The following DLC1 variants were observed in gnomAD, a reference collection of about 807,000 sequenced individuals.
DLC1 encodes rho GTPase-activating protein 7.
DLC1 carries 54 observed loss-of-function variants against 140.3 expected under a neutral mutation model. The observed-to-expected ratio is 0.38, with a 90% confidence interval of 0.31 to 0.48. The LOEUF is 0.48. Ranked by LOEUF, DLC1 falls within the 20% of genes least tolerant of loss-of-function variation. The pLI is 0.96. For missense variants in DLC1, 2,536 were observed against 1,907.0 expected, an observed-to-expected ratio of 1.33 and a Z score of -6.14; for synonymous variants, 986 against 728.1, an observed-to-expected ratio of 1.35 and a Z score of -5.70.
intron 1 of DLC1, among the ~76,000 whole-genome samples, chr8:13,543,191 T>C (rs1321571191): frequency 6.6e-6 from 1 of 152,184 alleles, no homozygotes. Context: ...AAATATTCAG[T>C]TTAGTCAAAT....
chr8:13,381,928 G>T (rs1441515762), intron 4 of DLC1, among the ~76,000 whole-genome samples: 1 of 152,070 alleles, frequency 6.6e-6, no homozygotes, highest in African/African-American at 2.4e-5. Flanking sequence ...GGAGGCAGGT[G>T]GATGCTAGAC....
At chr8:13,357,773 A>C (rs1180350581) in intron 4 of DLC1, among the ~76,000 whole-genome samples, 1 of 152,222 alleles carries the variant, frequency 6.6e-6, no homozygotes, top group Non-Finnish European at 1.5e-5. Context: ...TCTTATGAAA[A>C]TCCAGATGGA....
intron 5 of DLC1, among the ~76,000 whole-genome samples, chr8:13,166,865 G>T (rs1825141816): frequency 6.6e-6 from 1 of 152,158 alleles, no homozygotes; most frequent in African/African-American, 2.4e-5. Flanking sequence ...TGAGTTTAGA[G>T]GACGCTGGGA....
intron 5 of DLC1, among the ~76,000 whole-genome samples, chr8:13,289,094 C>T (rs934237999): frequency 6.6e-5 from 10 of 152,188 alleles, no homozygotes; most frequent in African/African-American, 2.4e-4. Context: ...TTTCCTAAGG[C>T]ATTCGGTGCT....
chr8:13,312,366 A>AAAAAAAAAAAT (rs1209262998), intron 4 of DLC1, among the ~76,000 whole-genome samples: 1 of 123,562 alleles, frequency 8.1e-6, no homozygotes, highest in African/African-American at 3.1e-5. Context: ...GTCTCAAAAA[A>AAAAAAAAAAAT]AAAAAAAAAA....
rs978888910 is a variant in DLC1 at position 13,084,298 on chromosome 8, T to G, written c.*1513A>C. 1.3e-5 allele frequency: 2 copies of G among 152,596 alleles called. No individual in the cohort carries two copies. The highest frequency in any genetic ancestry group is 2.4e-5 in the African/African-American group (1 of 41,446). 9.5% of individuals were successfully genotyped at this position (152,596 alleles called of 1,614,324 possible). On this transcript the variant is annotated 3_prime_UTR_variant, in exon 18 of 18. Transcript: ENST00000276297. Reference sequence around the variant, plus strand: ...ATACTCAAATTTTAAAACTCTAATCTGATGCCCTGCCCCAAAATTCTTCAA... The same window carrying G: ...ATACTCAAATTTTAAAACTCTAATCGGATGCCCTGCCCCAAAATTCTTCAA...
At chr8:13,472,950 A>T (rs1262146963) in intron 2 of DLC1, among the ~76,000 whole-genome samples, 2 of 152,202 alleles carry the variant, frequency 1.3e-5, no homozygotes, top group Non-Finnish European at 2.9e-5. Flanking sequence ...GAGTACCTGA[A>T]TACTAGTCAT....
intron 1 of DLC1, among the ~76,000 whole-genome samples, chr8:13,507,774 T>C (rs1802165644): frequency 1.3e-5 from 2 of 152,142 alleles, no homozygotes; most frequent in South Asian, 4.1e-4. Context: ...CTGGAAAGCA[T>C]CAAAAACTTT....
intron 4 of DLC1, among the ~76,000 whole-genome samples, chr8:13,329,136 G>A (rs560839442): frequency 1.3e-4 from 20 of 152,242 alleles, no homozygotes; most frequent in South Asian, 4.1e-4. Context: ...ATGAAGAATC[G>A]AGTCCTGCCT....
chr8:13,511,266 C>G (rs1205750636), intron 1 of DLC1, among the ~76,000 whole-genome samples: 1 of 152,074 alleles, frequency 6.6e-6, no homozygotes, highest in East Asian at 1.9e-4. Context: ...TCTTTTCCAC[C>G]CATTTATCTC....
At chr8:13,552,695 TACAGG>T (rs1262183811) in intron 1 of DLC1, among the ~76,000 whole-genome samples, 1 of 151,738 alleles carries the variant, frequency 6.6e-6, no homozygotes, top group Non-Finnish European at 1.5e-5. Flanking sequence ...ACAAAATTAC[TACAGG>T]AAAATGTTTT....
At chr8:13,363,047 G>A (rs1417730896) in intron 4 of DLC1, among the ~76,000 whole-genome samples, 1 of 152,054 alleles carries the variant, frequency 6.6e-6, no homozygotes, top group Admixed American at 6.6e-5. Context: ...GCTAGATATG[G>A]GCATACAATA....
At chr8:13,164,190 G>A (rs1824931361) in intron 5 of DLC1, among the ~76,000 whole-genome samples, 2 of 152,112 alleles carry the variant, frequency 1.3e-5, no homozygotes, top group Non-Finnish European at 2.9e-5. Flanking sequence ...CCAGCTACTT[G>A]GGAGGCAGAG....
chr8:13,087,506 C>T (rs185964631), intron 16 of DLC1, among the ~76,000 whole-genome samples: 1 of 152,316 alleles, frequency 6.6e-6, no homozygotes, highest in East Asian at 1.9e-4. Context: ...ATTATAATTG[C>T]CTGGTCTGTG....
At chr8:13,403,889 A>G (rs954153500) in intron 2 of DLC1, among the ~76,000 whole-genome samples, 9 of 139,956 alleles carry the variant, frequency 6.4e-5, no homozygotes, top group Non-Finnish European at 1.2e-4. Context: ...AAACTCCTGC[A>G]CTCAGGAGAT....
intron 5 of DLC1, among the ~76,000 whole-genome samples, chr8:13,218,880 T>TTA (rs377682420): frequency 5.6e-5 from 2 of 35,758 alleles, no homozygotes; most frequent in Non-Finnish European, 1.0e-4. Flanking sequence ...AATTATATAA[T>TTA]TATATATGAA....
chr8:13,393,161 C>CATCA (rs1254294584), intron 4 of DLC1, among the ~76,000 whole-genome samples: 2 of 152,024 alleles, frequency 1.3e-5, no homozygotes, highest in Non-Finnish European at 2.9e-5. Flanking sequence ...TCCATCCATC[C>CATCA]ATCATCATCT....
At chr8:13,193,158 G>T (rs1236912453) in intron 5 of DLC1, among the ~76,000 whole-genome samples, 3 of 152,218 alleles carry the variant, frequency 2.0e-5, no homozygotes, top group Admixed American at 2.0e-4. Flanking sequence ...GACACCTATT[G>T]ACTGTCACTC....
At chr8:13,242,795 T>C (rs551382697) in intron 5 of DLC1, among the ~76,000 whole-genome samples, 12 of 152,284 alleles carry the variant, frequency 7.9e-5, no homozygotes, top group South Asian at 6.2e-4. Flanking sequence ...TGAAATCAAC[T>C]ATGAGGGTGC....
Sources: allele counts gnomAD v4.1 joint callset (sites outside exome capture counted in the v4.1 genomes callset), GRCh38; gene constraint gnomAD v4.1.1; transcripts MANE v1.5; gene names NCBI Gene and HGNC (gene_info 2026-07-23, HGNC 2026-07-21).